LHFPL1: variants seen among roughly 807,000 people sequenced by gnomAD.
The protein encoded by LHFPL1 is LHFPL tetraspan subfamily member 1 protein.
LHFPL1 carries 4 observed loss-of-function variants against 12.1 expected under a neutral mutation model. The ratio of observed to expected loss-of-function variants is 0.33; its 90% CI spans 0.16 to 0.76. The LOEUF is 0.76. Among genes scored for constraint, LHFPL1 ranks in the 30% least tolerant of loss-of-function variants. The pLI, the probability that LHFPL1 is intolerant of heterozygous loss-of-function variation, is 0.61. For missense variants in LHFPL1, 141 were observed against 174.1 expected, an observed-to-expected ratio of 0.81 and a Z score of 1.07; for synonymous variants, 52 against 61.9, an observed-to-expected ratio of 0.84 and a Z score of 0.75.
intron 3 of LHFPL1, among the ~76,000 whole-genome samples, chrX:112,656,535 C>T (rs928228851): frequency 9.0e-6 from 1 of 111,648 alleles, no homozygotes; most frequent in Non-Finnish European, 1.9e-5. Context: ...GCAAGGAAAA[C>T]AAGCAAAAGA....
chrX:112,642,741 G>A (rs1351029718), intron 3 of LHFPL1, among the ~76,000 whole-genome samples: 2 of 110,482 alleles, frequency 1.8e-5, no homozygotes, highest in Non-Finnish European at 3.8e-5. Context: ...CTCCAGGGGT[G>A]AGCACCTCAT....
At chrX:112,679,681 C>A (rs1248222449) in intron 1 of LHFPL1, 148 bp downstream of exon 1, 1 of 111,423 alleles carries the variant, frequency 9.0e-6, no homozygotes, top group African/African-American at 3.3e-5. Context: ...AGGCTGCCCT[C>A]GGGTAGAAAA....
At position 112,662,827 on chromosome X, in the gene LHFPL1, G is replaced by A. The variant is rs770369208; in HGVS notation, c.383-2102C>T. ...AGGTCGTCCAGAGTACGCACATTGG[G>A]TTAAGGACAAAAGTAGAAATGAAAC... On this transcript the variant is annotated intron_variant, in intron 2 of 3. Coordinates refer to ENST00000371968, the MANE Select transcript of LHFPL1 (RefSeq NM_178175.4). Among the ~76,000 whole-genome samples the A allele has an allele frequency of 2.7e-5, 3 of 111,900 alleles. No homozygotes were observed. The South Asian group carries it at 1.1e-3, about 42-fold the overall frequency.
chrX:112,642,277 G>A (rs1335261162), intron 3 of LHFPL1, among the ~76,000 whole-genome samples: 1 of 104,068 alleles, frequency 9.6e-6, no homozygotes, highest in Non-Finnish European at 2.0e-5. Context: ...TTAAGAGGCC[G>A]AGCTGGGCAG....
chrX:112,656,668 G>T (rs1235063493), intron 3 of LHFPL1, among the ~76,000 whole-genome samples: 3 of 112,358 alleles, frequency 2.7e-5, no homozygotes, highest in African/African-American at 6.5e-5. Context: ...GTTCAGCAAG[G>T]TTGCAGGATA....
In LHFPL1 at chrX:112,679,201, T is replaced by G. The variant is rs191065012; in HGVS notation, c.-15+628A>C. On this transcript the variant is annotated intron_variant, in intron 1 of 3. Coordinates refer to ENST00000371968, the MANE Select transcript of LHFPL1 (RefSeq NM_178175.4). ...CTATTTTCAGTTCCCCACCACAAAATGAAACCACTTGGCCAAGTGTTCTTT... is the reference window on the plus strand; with the variant it reads ...CTATTTTCAGTTCCCCACCACAAAAGGAAACCACTTGGCCAAGTGTTCTTT... Among the ~76,000 whole-genome samples, 405 of 111,466 alleles carry G rather than the reference T, an allele frequency of 3.6e-3. 1 individual carries two copies. Among genetic ancestry groups the G allele is most frequent in the Admixed American group, 7.0e-3 (74 of 10,533 alleles).
rs778534812 is a variant in LHFPL1 at position 112,675,893 on chromosome X, T to C, written c.-15+3936A>G. ...ACTATGGAATTAAACATTGAAGATA[T>C]GAAGCTTATACACTTTAAATGCAAA... On this transcript the variant is annotated intron_variant, in intron 1 of 3. Transcript: ENST00000371968. Among the ~76,000 whole-genome samples, 4 of 112,688 alleles carry C rather than the reference T, an allele frequency of 3.5e-5. No homozygotes were observed. The East Asian group carries it at 8.3e-4, about 23-fold the overall frequency.
At chrX:112,668,150 C>A (rs113434477) in intron 2 of LHFPL1, among the ~76,000 whole-genome samples, 6,441 of 111,448 alleles carry the variant, frequency 0.058, 168 homozygotes, top group Middle Eastern at 0.095. Context: ...GAACTTAATC[C>A]CCCAAACTCT....
At chrX:112,660,236 C>A in intron 3 of LHFPL1, among the ~76,000 whole-genome samples, 1 of 112,106 alleles carries the variant, frequency 8.9e-6, no homozygotes, top group East Asian at 2.8e-4. Context: ...AACTAAATAA[C>A]CTCGTGTTAC....
At chrX:112,654,884 C>G (rs981178243) in intron 3 of LHFPL1, among the ~76,000 whole-genome samples, 3 of 111,484 alleles carry the variant, frequency 2.7e-5, no homozygotes, top group African/African-American at 9.8e-5. Flanking sequence ...GTTCAGAGCT[C>G]AGGTGGGCAA....
At chrX:112,635,239 T>C (rs1930305808) in intron 3 of LHFPL1, among the ~76,000 whole-genome samples, 1 of 112,635 alleles carries the variant, frequency 8.9e-6, no homozygotes, top group South Asian at 3.6e-4. Flanking sequence ...CAAACATGTA[T>C]TGAGTACCGA....
intron 3 of LHFPL1, among the ~76,000 whole-genome samples, chrX:112,636,994 G>C (rs1004916387): frequency 2.7e-5 from 3 of 111,565 alleles, no homozygotes; most frequent in Non-Finnish European, 1.9e-5. Flanking sequence ...TGGCAGGATA[G>C]GGGGAGAAAA....
rs368000461 is a variant in LHFPL1, at chrX:112,671,114, C to A, written c.277G>T (p.Ala93Ser). Residue 93 changes from alanine (A) to serine (S), a missense_variant, in exon 2 of 4, where the codon GCT (alanine) becomes TCT (serine). Transcript: ENST00000371968. ...MCTVVTGAGC[A>S]LLLLVALAAV... ...GCTAGTGCCACCAGGAGCAGCAGAG[C>A]ACAGCCGGCACCTGTCACCACTGTG... The A allele has an allele frequency of 1.3e-4, 152 of 1,210,704 alleles. No homozygotes were observed. In the Middle Eastern group the frequency reaches 2.3e-3, roughly 18 times the overall value.
rs201101632 is a variant in LHFPL1, at chrX:112,647,854, A to G, written c.481+12773T>C. On this transcript the variant is annotated intron_variant, in intron 3 of 3. Coordinates refer to ENST00000371968, the MANE Select transcript of LHFPL1 (RefSeq NM_178175.4). ...TACCCAAAGGATTATAAATCATTCC[A>G]CTATAAAGACACATGCACACCTATG... Among the ~76,000 whole-genome samples, 15 of 112,090 alleles carry G rather than the reference A, an allele frequency of 1.3e-4. No individual in the cohort carries two copies. The East Asian group carries it at 2.2e-3, about 17-fold the overall frequency.
At position 112,631,182 on chromosome X, in the gene LHFPL1, G is replaced by A. The variant is rs1377025486; in HGVS notation, c.*238C>T. On this transcript the variant is annotated 3_prime_UTR_variant, in exon 4 of 4. Coordinates refer to ENST00000371968, the MANE Select transcript of LHFPL1 (RefSeq NM_178175.4). ...CATAAAGGGGTACTTTGGGTCTTCG[G>A]GTTAGCACGACTTGCCAGTTGGGTA... 6 of 313,226 alleles carry A rather than the reference G, an allele frequency of 1.9e-5. No homozygotes were observed. In the Admixed American group the frequency reaches 2.5e-4, roughly 13 times the overall value. 25.8% of individuals were successfully genotyped at this position (313,226 alleles called of 1,213,427 possible).
chrX:112,664,106 T>G (rs1397644234), intron 2 of LHFPL1, among the ~76,000 whole-genome samples: 2 of 112,354 alleles, frequency 1.8e-5, no homozygotes, highest in African/African-American at 6.5e-5. Flanking sequence ...CTAGATTACT[T>G]ATAATACCTA....
At chrX:112,654,719 T>C (rs1045434417) in intron 3 of LHFPL1, among the ~76,000 whole-genome samples, 4 of 111,231 alleles carry the variant, frequency 3.6e-5, no homozygotes, top group Admixed American at 9.7e-5. Flanking sequence ...ATATGTATTG[T>C]TTTATTTTGT....
At chrX:112,669,625 G>A (rs1022785652) in intron 2 of LHFPL1, among the ~76,000 whole-genome samples, 6 of 112,328 alleles carry the variant, frequency 5.3e-5, no homozygotes, top group African/African-American at 1.9e-4. Flanking sequence ...AGCCAGGAAA[G>A]CTTGGTAGCC....
chrX:112,655,277 T>G (rs1930965020), intron 3 of LHFPL1, among the ~76,000 whole-genome samples: 1 of 111,913 alleles, frequency 8.9e-6, no homozygotes, highest in Admixed American at 9.5e-5. Flanking sequence ...CAGTGAAGAT[T>G]TGGGGAATAG....
Sources: gnomAD v4.1 joint callset for allele counts (sites outside exome capture counted in the v4.1 genomes callset) on GRCh38, gnomAD v4.1.1 for gene constraint, MANE v1.5 for transcripts, NCBI Gene and HGNC (gene_info 2026-07-23, HGNC 2026-07-21) for gene names.